GARS1: variants seen among roughly 807,000 people sequenced by gnomAD.
GARS1 encodes glycyl-tRNA synthetase 1, also known as glycine--tRNA ligase.
In GARS1, 46 loss-of-function variants were observed where a neutral mutation model predicts 86.4. The observed-to-expected ratio is 0.53, with a 90% CI of 0.42 to 0.68. The LOEUF (loss-of-function observed/expected upper bound fraction) is 0.68. Ranked by LOEUF, GARS1 falls within the 30% of genes least tolerant of loss-of-function variation. The pLI, the probability that GARS1 is intolerant of heterozygous loss-of-function variation, is 0.00. For missense variants in GARS1, 797 were observed against 915.6 expected, an observed-to-expected ratio of 0.87 and a Z score of 1.67; for synonymous variants, 342 against 329.8, an observed-to-expected ratio of 1.04 and a Z score of -0.40.
chr7:30,595,686 A>G (rs1048701172), intron 1 of GARS1: 13 of 457,918 alleles, frequency 2.8e-5, no homozygotes, highest in Non-Finnish European at 5.9e-5. Context: ...ATCTTCCTTC[A>G]TTCAGTGCTT....
At chr7:30,598,590 TG>T (rs1424306650) in intron 1 of GARS1, among the ~76,000 whole-genome samples, 2 of 152,098 alleles carry the variant, frequency 1.3e-5, no homozygotes, top group African/African-American at 4.8e-5. Context: ...TGTATCACCA[TG>T]TTGGCCAGGA....
chr7:30,612,104 G>C lies in GARS1; in HGVS notation c.890G>C (p.Arg297Thr). 6.2e-7 allele frequency: 1 copy of C among 1,613,786 alleles called. No individual in the cohort carries two copies. Among genetic ancestry groups the C allele is most frequent in the South Asian group, 1.1e-5 (1 of 91,072 alleles). ...CTTACTTAAATTTATAGGTACTTGA[G>C]ACCAGAAACTGCACAGGGGATTTTC... ...GPGGNMPGYL[R>T]PETAQGIFLN... The change falls in exon 8 of 17, where the codon AGA becomes ACA. Residue 297 changes from arginine (R) to threonine (T), a missense_variant. Physicochemically the swap from Arg to Thr is moderately conservative, Grantham distance 71. Transcript: ENST00000389266.
chr7:30,595,740 G>A (rs1791233442), intron 1 of GARS1: 1 of 470,852 alleles, frequency 2.1e-6, no homozygotes, highest in South Asian at 1.5e-5. Context: ...TTGAAATGTG[G>A]ATGTGGGGAG....
chr7:30,622,181 A>T, intron 11 of GARS1, 136 bp from the exon 12 acceptor site: 1 of 1,030,488 alleles, frequency 9.7e-7, no homozygotes, highest in Non-Finnish European at 1.5e-6. Context: ...ATCTTGCCTT[A>T]AAATCAGCAT....
intron 12 of GARS1, among the ~76,000 whole-genome samples, chr7:30,624,378 A>AT (rs34668775): frequency 6.6e-6 from 1 of 152,184 alleles, no homozygotes; most frequent in Non-Finnish European, 1.5e-5. Flanking sequence ...TAGAAATGGC[A>AT]TTTTCTCTGT....
At position 30,598,475 on chromosome 7, in the gene GARS1, G is replaced by A. The variant is rs529305952; in HGVS notation, c.223-321G>A. Among the ~76,000 whole-genome samples, 14 of 137,936 alleles carry A rather than the reference G, an allele frequency of 1.0e-4. No individual in the cohort carries two copies. The East Asian group carries it at 1.9e-3, about 19-fold the overall frequency. The allele number at this position is 137,936 out of a possible 152,430, so 90.5% of individuals were successfully genotyped here. ...ATGATCTTAGCTCAGTGCAACCTCC[G>A]CCTTCCGGGTTCAAGTGATTCTCCT... On this transcript the variant is annotated intron_variant, in intron 1 of 16. Transcript: ENST00000389266.
At chr7:30,604,476 GT>G (rs1584027666) in intron 6 of GARS1, among the ~76,000 whole-genome samples, 3 of 151,772 alleles carry the variant, frequency 2.0e-5, no homozygotes. Context: ...CTAATATGTT[GT>G]TTTTCATGGG....
chr7:30,618,569 G>A (rs1782934790), intron 10 of GARS1, among the ~76,000 whole-genome samples: 2 of 152,306 alleles, frequency 1.3e-5, no homozygotes, highest in South Asian at 4.1e-4. Context: ...GGGAGGTTGA[G>A]GCTGTAGTGA....
Position 30,603,572 on chromosome 7 carries a change from G to C in GARS1, c.735G>C (p.Gln245His). The change falls in exon 6 of 17, where the codon CAG (glutamine) becomes CAC (histidine). Residue 245 changes from glutamine to histidine, a missense_variant and splice_region_variant. Gln to His is a conservative substitution (Grantham distance 24). Around this residue, in one of 2 missense-constraint regions of GARS1, gnomAD observed 598 missense variants for 738.7 expected, o/e 0.81. Coordinates refer to ENST00000389266, the MANE Select transcript of GARS1 (RefSeq NM_002047.4). ...KKSEMESVLAQLDNYGQQELA... is the reference protein window; with the variant it reads ...KKSEMESVLAHLDNYGQQELA... ...CAGAAATGGAAAGTGTTTTGGCCCAGGTGAGTACTCTAGAGATGTTATCAG... is the reference window on the plus strand; with the variant it reads ...CAGAAATGGAAAGTGTTTTGGCCCACGTGAGTACTCTAGAGATGTTATCAG... 1 of 1,610,540 alleles carries C rather than the reference G, an allele frequency of 6.2e-7. No individual in the cohort carries two copies. Among genetic ancestry groups the C allele is most frequent in the Non-Finnish European group, 8.5e-7 (1 of 1,177,150 alleles).
At chr7:30,625,825 G>T (rs1268908099) in intron 12 of GARS1, among the ~76,000 whole-genome samples, 3 of 152,154 alleles carry the variant, frequency 2.0e-5, no homozygotes, top group Admixed American at 1.3e-4. Flanking sequence ...ATGGCATGCT[G>T]GTTCATTTGT....
chr7:30,602,477 A>G (rs1791400958), intron 4 of GARS1, among the ~76,000 whole-genome samples: 1 of 152,266 alleles, frequency 6.6e-6, no homozygotes, highest in African/African-American at 2.4e-5. Flanking sequence ...GGTTCTCTTA[A>G]TAATTTCAGC....
chr7:30,631,391 G>T, intron 14 of GARS1, 57 bp from the exon 15 acceptor site: 3 of 1,352,102 alleles, frequency 2.2e-6, no homozygotes, highest in South Asian at 2.3e-5. Flanking sequence ...TGGGATATTA[G>T]CATTTAGATA....
At chr7:30,622,636 T>A in intron 12 of GARS1, 174 bp downstream of exon 12, 1 of 700,158 alleles carries the variant, frequency 1.4e-6, no homozygotes, top group Non-Finnish European at 2.4e-6. Flanking sequence ...AAAAAAGATT[T>A]GAAATAGAAT....
At chr7:30,595,779 A>G (rs1791234421) in intron 1 of GARS1, 1 of 470,888 alleles carries the variant, frequency 2.1e-6, no homozygotes, top group Non-Finnish European at 4.4e-6. Flanking sequence ...AATGCTGTGA[A>G]CTCATCATCC....
At chr7:30,604,602 T>C (rs17159272) in intron 6 of GARS1, among the ~76,000 whole-genome samples, 5,495 of 152,296 alleles carry the variant, frequency 0.036, 127 homozygotes, top group Middle Eastern at 0.079. Flanking sequence ...TCATTTACAT[T>C]GAAAACTTTC....
intron 9 of GARS1, 77 bp from the exon 10 acceptor site, chr7:30,617,037 A>C: frequency 6.8e-7 from 1 of 1,460,260 alleles, no homozygotes; most frequent in Non-Finnish European, 9.6e-7. Context: ...AGTCAATGGA[A>C]ACCGATATCT....
intron 11 of GARS1, 190 bp from the exon 12 acceptor site, chr7:30,622,126 AT>A: frequency 1.6e-6 from 1 of 640,450 alleles, no homozygotes. Flanking sequence ...GATGGTGTTA[AT>A]TTTGGATGAG....
Position 30,609,715 on chromosome 7 carries a change from G to A in GARS1, c.866G>A (p.Gly289Glu), listed in dbSNP as rs1343637666. 4.3e-6 allele frequency: 7 copies of A among 1,613,610 alleles called. No individual in the cohort carries two copies. Among genetic ancestry groups the A allele is most frequent in the Non-Finnish European group, 5.9e-6 (7 of 1,179,694 alleles). ...NLMFKTFIGPGGNMPGYLRPE... is the reference protein window; with the variant it reads ...NLMFKTFIGPEGNMPGYLRPE... Reference sequence around the variant, plus strand: ...ATGTTCAAGACTTTCATTGGGCCTGGAGGAAACATGCCTGGGTATGTATCA... The same window carrying A: ...ATGTTCAAGACTTTCATTGGGCCTGAAGGAAACATGCCTGGGTATGTATCA... Residue 289 changes from glycine (G) to glutamate (E), a missense_variant, in exon 7 of 17, where the codon GGA (glycine) becomes GAA (glutamate). This residue lies in a region of GARS1 where 598 missense variants were observed against 738.7 expected (regional missense o/e 0.81). Transcript: ENST00000389266.
chr7:30,626,470 C>T (rs1036968847), intron 13 of GARS1, 151 bp downstream of exon 13: 3 of 647,680 alleles, frequency 4.6e-6, no homozygotes, highest in South Asian at 3.5e-5. Context: ...CTGTCTCAGC[C>T]TCCGAATTAG....
Sources: allele counts gnomAD v4.1 joint callset (sites outside exome capture counted in the v4.1 genomes callset), GRCh38; gene constraint gnomAD v4.1.1; regional missense constraint gnomAD v4.1.1; transcripts MANE v1.5; gene names NCBI Gene and HGNC (gene_info 2026-07-23, HGNC 2026-07-21).